The following PFAS variants were observed in gnomAD, a reference collection of about 807,000 sequenced individuals.
The protein encoded by PFAS is FGAM synthase.
Under a neutral mutation model 140.6 loss-of-function variants are expected in PFAS, and 97 were observed. That is an observed-to-expected ratio of 0.69 (90% CI 0.59 to 0.82). PFAS has a LOEUF of 0.82. Ranked by LOEUF, PFAS falls within the 40% of genes least tolerant of loss-of-function variation. The pLI is 0.00. For missense variants in PFAS, 1,656 were observed against 1,780.2 expected, an observed-to-expected ratio of 0.93 and a Z score of 1.26; for synonymous variants, 679 against 718.8, an observed-to-expected ratio of 0.94 and a Z score of 0.88.
chr17:8,252,177 T>C (rs1024824243), intron 1 of PFAS, among the ~76,000 whole-genome samples: 1 of 150,996 alleles, frequency 6.6e-6, no homozygotes. Context: ...GCCTGTAATC[T>C]CAGCTACTTG....
rs766128078 is a variant in PFAS at position 8,269,027 on chromosome 17, T to A, written c.3780T>A (p.Ala1260=). 9.9e-6 allele frequency: 16 copies of A among 1,614,048 alleles called. No homozygotes were observed. In the South Asian group the frequency reaches 1.8e-4, roughly 18 times the overall value. The change falls in exon 28 of 28, where the codon GCT becomes GCA. Residue 1260 remains alanine, a synonymous_variant. Transcript: ENST00000314666. ...EARGLAPLHW[A]DDDGNPTEQY... Reference sequence around the variant, plus strand: ...GGGGCTTGGCTCCACTGCACTGGGCTGATGATGACGGGAACCCCACAGAGC... The same window carrying A: ...GGGGCTTGGCTCCACTGCACTGGGCAGATGATGACGGGAACCCCACAGAGC...
At chr17:8,259,558 G>C (rs1989509848) in intron 11 of PFAS, among the ~76,000 whole-genome samples, 1 of 152,130 alleles carries the variant, frequency 6.6e-6, no homozygotes, top group Non-Finnish European at 1.5e-5. Flanking sequence ...AAGGCAGGGG[G>C]ATTACTTGAG....
Position 8,263,794 on chromosome 17 carries a change from A to C in PFAS, c.1649A>C (p.Asn550Thr). The change falls in exon 15 of 28, where the codon AAT (asparagine) becomes ACT (threonine). Residue 550 changes from asparagine (N) to threonine (T), a missense_variant. Physicochemically the swap from Asn to Thr is moderately conservative, Grantham distance 65 (BLOSUM62 0). Around this residue, in one of 2 missense-constraint regions of PFAS, gnomAD observed 773 missense variants for 757.3 expected, o/e 1.02. Transcript: ENST00000314666. ...GTGCAGCTTGGGGACCCAACCCTGA[A>C]TGCCCTGGAAATCTGGGGGGCTGAG... The part of the protein sequence containing the change: ...SRFQLGDPTL[N>T]ALEIWGAEYQ... 6.2e-7 allele frequency: 1 copy of C among 1,613,970 alleles called. No homozygotes were observed. The highest frequency in any genetic ancestry group is 8.5e-7 in the Non-Finnish European group (1 of 1,179,936).
intron 1 of PFAS, among the ~76,000 whole-genome samples, chr17:8,253,373 A>G (rs533198572): frequency 1.3e-5 from 2 of 152,298 alleles, no homozygotes; most frequent in South Asian, 4.1e-4. Flanking sequence ...CCACATTAAT[A>G]AAGACCACAT....
Position 8,263,833 on chromosome 17 carries a change from A to G in PFAS, c.1688A>G (p.Asn563Ser), listed in dbSNP as rs1392205139. ...TGGGGGGCTGAGTACCAGGAATCAA[A>G]TGCTCTTCTGCTGAGGTCCCCCAAC... ...EIWGAEYQES[N>S]ALLLRSPNRD... Residue 563 changes from asparagine (N) to serine (S), a missense_variant, in exon 15 of 28, where the codon AAT becomes AGT. Physicochemically the swap from Asn to Ser is conservative, Grantham distance 46. This residue lies in a region of PFAS where 773 missense variants were observed against 757.3 expected (regional missense o/e 1.02). Coordinates refer to ENST00000314666, the MANE Select transcript of PFAS (RefSeq NM_012393.3). 1.9e-6 allele frequency: 3 copies of G among 1,613,962 alleles called. No homozygotes were observed. The highest frequency in any genetic ancestry group is 1.6e-4 in the Middle Eastern group (1 of 6,084).
Position 8,255,878 on chromosome 17 carries a change from T to C in PFAS, c.648T>C (p.Thr216=). The C allele has an allele frequency of 6.2e-7, 1 of 1,614,014 alleles. No individual in the cohort carries two copies. Among genetic ancestry groups the C allele is most frequent in the South Asian group, 1.1e-5 (1 of 91,076 alleles). Residue 216 remains threonine, a synonymous_variant, in exon 6 of 28, where the codon ACT becomes ACC. Coordinates refer to ENST00000314666, the MANE Select transcript of PFAS (RefSeq NM_012393.3). ...RFQELQRNPS[T]VEAFDLAQSN... ...AGGAGCTACAGCGGAACCCGAGCAC[T>C]GTGGAGGCCTTTGACTTGGCGCAGT... is the stretch of plus-strand genomic sequence containing the variant.
intron 26 of PFAS, 75 bp from the exon 27 acceptor site, chr17:8,268,458 G>A: frequency 2.0e-6 from 2 of 1,000,330 alleles, no homozygotes; most frequent in Non-Finnish European, 3.1e-6. Flanking sequence ...AAACAGAGCA[G>A]TTATGCCCCT....
In PFAS at chr17:8,251,301, A is replaced by C. The variant is rs530037620; in HGVS notation, c.-80+1962A>C. 5.3e-4 allele frequency among the ~76,000 whole-genome samples: 81 copies of C among 152,230 alleles called. 1 individual carries two copies. Among genetic ancestry groups the C allele is most frequent in the African/African-American group, 1.8e-3 (76 of 41,582 alleles). On this transcript the variant is annotated intron_variant, in intron 1 of 27. Transcript: ENST00000314666. ...CCCCATCTCAAAAAAAGAAAAAGAA[A>C]GACGGGGTCTTGCTCTGTCACCCAG...
At chr17:8,256,433 G>A (rs371081092) in intron 7 of PFAS, 26 bp downstream of exon 7, 16 of 1,613,796 alleles carry the variant, frequency 9.9e-6, no homozygotes, top group Admixed American at 3.3e-5. Context: ...CTGGGTTGGC[G>A]TCAGGACCCG....
chr17:8,260,064 G>T (rs543210200), intron 11 of PFAS, among the ~76,000 whole-genome samples: 1 of 151,626 alleles, frequency 6.6e-6, no homozygotes, highest in East Asian at 1.9e-4. Context: ...TTACGCCACT[G>T]CACTCCAGTC....
At position 8,265,452 on chromosome 17, in the gene PFAS, G is replaced by T. The variant is rs1989774540; in HGVS notation, c.2445G>T (p.Glu815Asp). The change falls in exon 19 of 28, where the codon GAG becomes GAT. Residue 815 changes from glutamate (E) to aspartate (D), a missense_variant. Coordinates refer to ENST00000314666, the MANE Select transcript of PFAS (RefSeq NM_012393.3). ...SLSMAARVGTETVRAPGSLVI... is the reference protein window; with the variant it reads ...SLSMAARVGTDTVRAPGSLVI... ...GCATGGCTGCTCGGGTTGGCACTGA[G>T]ACCGTGCGGGCTCCTGGTGAGGTGT... 15 of 1,613,596 alleles carry T rather than the reference G, an allele frequency of 9.3e-6. No individual in the cohort carries two copies. The highest frequency in any genetic ancestry group is 1.3e-5 in the Non-Finnish European group (15 of 1,179,676).
intron 11 of PFAS, among the ~76,000 whole-genome samples, chr17:8,259,740 A>G (rs1018086411): frequency 4.2e-4 from 64 of 152,238 alleles, no homozygotes; most frequent in African/African-American, 1.4e-3. Context: ...GTGAGCTATG[A>G]TCATACCACT....
chr17:8,264,041 GGA>G (rs1287532311), intron 15 of PFAS, 105 bp downstream of exon 15: 1 of 1,476,082 alleles, frequency 6.8e-7, no homozygotes, highest in African/African-American at 1.4e-5. Context: ...GAGGAAGATG[GGA>G]GGTAGTGGCA....
At chr17:8,264,808 C>T in intron 17 of PFAS, 87 bp from the exon 18 acceptor site, 1 of 1,058,952 alleles carries the variant, frequency 9.4e-7, no homozygotes, top group Non-Finnish European at 1.4e-6. Flanking sequence ...ACAGGCCTCC[C>T]ACTGCCCTGA....
chr17:8,263,163 C>A lies in PFAS; in HGVS notation c.1465C>A (p.Pro489Thr). ...LDFGAVQRGD[P>T]EMEQKMNRVI... ...CTTTGGGGCTGTGCAGCGAGGAGAC[C>A]CGGAGATGGAACAGAAGATGAACCG... is the stretch of plus-strand genomic sequence containing the variant. The change falls in exon 13 of 28, where the codon CCG becomes ACG. Residue 489 changes from proline (P) to threonine (T), a missense_variant. This residue lies in a region of PFAS where 773 missense variants were observed against 757.3 expected (regional missense o/e 1.02). Coordinates refer to ENST00000314666, the MANE Select transcript of PFAS (RefSeq NM_012393.3). The A allele has an allele frequency of 1.9e-6, 3 of 1,613,854 alleles. No homozygotes were observed. The highest frequency in any genetic ancestry group is 2.5e-6 in the Non-Finnish European group (3 of 1,179,804).
Position 8,266,838 on chromosome 17 carries a change from G to T in PFAS, c.2907G>T (p.Arg969=). Residue 969 remains arginine, a synonymous_variant, in exon 23 of 28, where the codon CGG becomes CGT. Transcript: ENST00000314666. This position sits in a 1 kb window ranked among gnomAD's most constrained non-coding sequence, Gnocchi z 5.0. ...PDLAQVLKRY[R]DAGLHCLELG... ...TGGCCCAGGTGCTGAAGCGTTACCG[G>T]GATGCTGGCCTCCATTGCCTGGAGC... The T allele has an allele frequency of 6.2e-7, 1 of 1,610,832 alleles. No individual in the cohort carries two copies. The highest frequency in any genetic ancestry group is 8.5e-7 in the Non-Finnish European group (1 of 1,179,844).
At chr17:8,264,695 C>T in intron 17 of PFAS, 94 bp downstream of exon 17, 1 of 1,379,976 alleles carries the variant, frequency 7.2e-7, no homozygotes, top group South Asian at 1.4e-5. Flanking sequence ...GGGGTTTTTG[C>T]CTGGCCCTGC....
rs1173198837 is a variant in PFAS, at chr17:8,267,802, A to G, written c.3382+137A>G. On this transcript the variant is annotated intron_variant, in intron 26 of 27. Coordinates refer to ENST00000314666, the MANE Select transcript of PFAS (RefSeq NM_012393.3). This position sits in a 1 kb window ranked among gnomAD's most constrained non-coding sequence, Gnocchi z 4.9. ...AGTGGGCCCATTCGTTCTGGGCCACATGCCAACAGAAGGCTGGTAGTAAAT... is the reference window on the plus strand; with the variant it reads ...AGTGGGCCCATTCGTTCTGGGCCACGTGCCAACAGAAGGCTGGTAGTAAAT... 11 of 445,004 alleles carry G rather than the reference A, an allele frequency of 2.5e-5. No homozygotes were observed. The highest frequency in any genetic ancestry group is 1.6e-5 in the Non-Finnish European group (4 of 249,004). 27.6% of individuals were successfully genotyped at this position (445,004 alleles called of 1,614,324 possible).
In PFAS at chr17:8,256,866, C is replaced by T. The variant is rs1419009359; in HGVS notation, c.978C>T (p.Gly326=). 4.3e-6 allele frequency: 7 copies of T among 1,612,124 alleles called. No homozygotes were observed. Among genetic ancestry groups the T allele is most frequent in the Admixed American group, 3.3e-5 (2 of 59,884 alleles). ...GVCPFSGATT[G]TGGRIRDVQC... ...GCCCCTTTAGTGGTGCAACCACTGG[C>T]ACAGGGGGCCGGATTCGAGATGTCC... The change falls in exon 9 of 28, where the codon GGC becomes GGT. Residue 326 remains glycine, a synonymous_variant. Coordinates refer to ENST00000314666, the MANE Select transcript of PFAS (RefSeq NM_012393.3).
Sources: allele counts gnomAD v4.1 joint callset (sites outside exome capture counted in the v4.1 genomes callset), GRCh38; gene constraint gnomAD v4.1.1; regional missense constraint gnomAD v4.1.1; non-coding constraint Gnocchi (gnomAD v3.1); transcripts MANE v1.5; gene names NCBI Gene and HGNC (gene_info 2026-07-23, HGNC 2026-07-21).